BIN1: variants seen among roughly 807,000 people sequenced by gnomAD.
BIN1 encodes the protein bridging integrator 1, also known as myc box-dependent-interacting protein 1.
Under a neutral mutation model 82.0 loss-of-function variants are expected in BIN1, and 53 were observed. The ratio of observed to expected loss-of-function variants is 0.65; its 90% confidence interval spans 0.52 to 0.81. The LOEUF (loss-of-function observed/expected upper bound fraction) is 0.81. BIN1 is among the 40% of genes least tolerant of loss of function. The pLI is 0.00. For missense variants in BIN1, 642 were observed against 784.4 expected (o/e 0.82, Z 2.17); for synonymous variants, 302 against 328.0 (o/e 0.92, Z 0.86).
intron 1 of BIN1, among the ~76,000 whole-genome samples, chr2:127,088,463 C>G (rs569368182): frequency 1.3e-5 from 2 of 152,030 alleles, no homozygotes; most frequent in East Asian, 3.9e-4. Context: ...GGGACGGGTG[C>G]GGTGGCTCAC....
intron 2 of BIN1, among the ~76,000 whole-genome samples, chr2:127,075,168 G>A (rs1686424763): frequency 6.6e-6 from 1 of 152,208 alleles, no homozygotes. Flanking sequence ...CAGCTACATA[G>A]CCTTGGAAGA....
chr2:127,070,962 G>T, intron 2 of BIN1, 146 bp from the exon 3 acceptor site: 1 of 783,578 alleles, frequency 1.3e-6, no homozygotes. Context: ...CAGGACAGCA[G>T]CTACGGTCAC....
rs1351259941 is a variant in BIN1, at chr2:127,059,800, C to G, written c.858-645G>C. 1.3e-5 allele frequency among the ~76,000 whole-genome samples: 2 copies of G among 152,126 alleles called. No individual in the cohort carries two copies. The highest frequency in any genetic ancestry group is 4.8e-5 in the African/African-American group (2 of 41,408). On this transcript the variant is annotated intron_variant, in intron 10 of 18. Transcript: ENST00000316724. The surrounding 1 kb of genome is among the most constrained non-coding windows in gnomAD (Gnocchi z 6.7). ...AGGTCCTGAGCCATGGCGTTCAGTG[C>G]CAGAACCCAAGGCGGAGGTGGTGTG...
At chr2:127,052,611 G>C (rs562428945) in intron 14 of BIN1, 1 of 547,420 alleles carries the variant, frequency 1.8e-6, no homozygotes, top group Non-Finnish European at 3.3e-6. Flanking sequence ...TGTCAAAATG[G>C]CCCTACCAGC....
Position 127,093,747 on chromosome 2 carries a change from G to C in BIN1, c.84+13113C>G, listed in dbSNP as rs1212475839. 6.6e-6 allele frequency among the ~76,000 whole-genome samples: 1 copy of C among 152,252 alleles called. No homozygotes were observed. Among genetic ancestry groups the C allele is most frequent in the African/African-American group, 2.4e-5 (1 of 41,468 alleles). Reference sequence around the variant, plus strand: ...TCTTGGAAACCTGTCTTTCGTTAGAGCGGTGTCAGCTGTGGCCCTTATGAT... The same window carrying C: ...TCTTGGAAACCTGTCTTTCGTTAGACCGGTGTCAGCTGTGGCCCTTATGAT... On this transcript the variant is annotated intron_variant, in intron 1 of 18. Coordinates refer to ENST00000316724, the MANE Select transcript of BIN1 (RefSeq NM_139343.3). The surrounding 1 kb of genome is among the most constrained non-coding windows in gnomAD (Gnocchi z 5.7).
intron 1 of BIN1, among the ~76,000 whole-genome samples, chr2:127,088,980 A>C (rs968984277): frequency 6.6e-6 from 1 of 152,134 alleles, no homozygotes; most frequent in Admixed American, 6.5e-5. Flanking sequence ...TGAGAGTGGC[A>C]GGGGGCAGGG....
rs1222395160 is a variant in BIN1, at chr2:127,093,689, T to TA, written c.84+13170dup. On this transcript the variant is annotated intron_variant, in intron 1 of 18. Coordinates refer to ENST00000316724, the MANE Select transcript of BIN1 (RefSeq NM_139343.3). The surrounding 1 kb of genome is among the most constrained non-coding windows in gnomAD (Gnocchi z 5.7). ...CATCGTTGAAGGCTCCCGTGTCATG[T>TA]AAAACATTGATTAAAGAAATGTGAT... 6.6e-6 allele frequency among the ~76,000 whole-genome samples: 1 copy of TA among 152,238 alleles called. No individual in the cohort carries two copies. The highest frequency in any genetic ancestry group is 1.5e-5 in the Non-Finnish European group (1 of 68,046).
At chr2:127,074,208 C>A (rs1420998875) in intron 2 of BIN1, among the ~76,000 whole-genome samples, 3 of 152,148 alleles carry the variant, frequency 2.0e-5, no homozygotes, top group Non-Finnish European at 4.4e-5. Context: ...TTCCCAGGGC[C>A]CCCAAGCCCA....
chr2:127,081,966 C>A, intron 1 of BIN1: 13 of 1,116,086 alleles, frequency 1.2e-5, no homozygotes, highest in African/African-American at 1.6e-5. Flanking sequence ...CGTGCCCCGG[C>A]GTTCTCACAC....
intron 1 of BIN1, among the ~76,000 whole-genome samples, chr2:127,077,587 A>G (rs1213060118): frequency 6.6e-6 from 1 of 152,176 alleles, no homozygotes; most frequent in Non-Finnish European, 1.5e-5. Flanking sequence ...CTGCTCCTCC[A>G]ATCCCAGAGC....
intron 7 of BIN1, among the ~76,000 whole-genome samples, chr2:127,065,812 T>C (rs1028055443): frequency 2.0e-5 from 3 of 152,324 alleles, no homozygotes; most frequent in Middle Eastern, 3.4e-3. Flanking sequence ...CCGCTTGAGT[T>C]CCTGGAAGTC....
chr2:127,079,687 C>G (rs1687052873), intron 1 of BIN1, among the ~76,000 whole-genome samples: 1 of 152,240 alleles, frequency 6.6e-6, no homozygotes, highest in South Asian at 2.1e-4. Flanking sequence ...CCTGAAGGAA[C>G]AGCTTGAGGT....
At chr2:127,062,022 GGGGACCAGGGA>G in intron 10 of BIN1, 82 bp downstream of exon 10, 1 of 1,451,446 alleles carries the variant, frequency 6.9e-7, no homozygotes, top group Non-Finnish European at 9.3e-7. Context: ...CAAACCCATG[GGGGACCAGGGA>G]GGGCACCAAC....
At chr2:127,086,742 G>A (rs1051644733) in intron 1 of BIN1, among the ~76,000 whole-genome samples, 1 of 151,922 alleles carries the variant, frequency 6.6e-6, no homozygotes, top group African/African-American at 2.4e-5. Flanking sequence ...CCCTGACCTC[G>A]TGATCCACCC....
At chr2:127,064,045 T>C in intron 7 of BIN1, 27 bp from the exon 8 acceptor site, 2 of 1,613,350 alleles carry the variant, frequency 1.2e-6, no homozygotes, top group Non-Finnish European at 1.7e-6. Flanking sequence ...GTCATTCCCC[T>C]CTGTTGGGCG....
intron 4 of BIN1, 66 bp from the exon 5 acceptor site, chr2:127,070,156 C>T (rs1484561034): frequency 7.5e-7 from 1 of 1,335,986 alleles, no homozygotes; most frequent in African/African-American, 1.4e-5. Flanking sequence ...CAGCGCTCAC[C>T]TCGCAGGGAC....
At chr2:127,076,035 G>A (rs1318807976) in intron 2 of BIN1, among the ~76,000 whole-genome samples, 4 of 141,674 alleles carry the variant, frequency 2.8e-5, no homozygotes, top group African/African-American at 1.1e-4. Context: ...AGCTACTCCC[G>A]GCCCTCGCAG....
In BIN1 at chr2:127,090,695, G is replaced by A. The variant is rs1678812780; in HGVS notation, c.85-13989C>T. 6.6e-6 allele frequency among the ~76,000 whole-genome samples: 1 copy of A among 152,178 alleles called. No homozygotes were observed. Among genetic ancestry groups the A allele is most frequent in the African/African-American group, 2.4e-5 (1 of 41,436 alleles). On this transcript the variant is annotated intron_variant, in intron 1 of 18. Coordinates refer to ENST00000316724, the MANE Select transcript of BIN1 (RefSeq NM_139343.3). The surrounding 1 kb of genome is among the most constrained non-coding windows in gnomAD (Gnocchi z 6.4). The stretch of plus-strand genomic sequence containing the variant: ...CCCCAGCCAGGGCACAGCTGTGGGT[G>A]GGGGGCGGTGGCAGCTCCCCAGCAG...
intron 2 of BIN1, among the ~76,000 whole-genome samples, chr2:127,072,426 C>T (rs1364933154): frequency 6.6e-6 from 1 of 152,194 alleles, no homozygotes; most frequent in African/African-American, 2.4e-5. Context: ...CACACAGAGA[C>T]TCGGAGAGCC....
Sources: gnomAD v4.1 joint callset for allele counts (sites outside exome capture counted in the v4.1 genomes callset) on GRCh38, gnomAD v4.1.1 for gene constraint, Gnocchi (gnomAD v3.1) non-coding constraint, MANE v1.5 for transcripts, NCBI Gene and HGNC (gene_info 2026-07-23, HGNC 2026-07-21) for gene names.